WRN: variants seen among roughly 807,000 people sequenced by gnomAD.
WRN encodes the protein WRN RecQ like helicase, also known as bifunctional 3'-5' exonuclease/ATP-dependent helicase WRN.
Under a neutral mutation model 180.7 loss-of-function variants are expected in WRN, and 149 were observed. The ratio of observed to expected loss-of-function variants is 0.82; its 90% CI spans 0.72 to 0.94. The LOEUF (loss-of-function observed/expected upper bound fraction) is 0.94, where lower values mean the gene tolerates loss of function less well. Among genes scored for constraint, WRN ranks in the 40% least tolerant of loss-of-function variants. WRN has a pLI of 0.00. For missense variants in WRN, 1,661 were observed against 1,700.1 expected, an observed-to-expected ratio of 0.98 and a Z score of 0.40; for synonymous variants, 548 against 568.9, an observed-to-expected ratio of 0.96 and a Z score of 0.52.
Position 31,162,812 on chromosome 8 carries a change from T to C in WRN, c.3983-4210T>C, listed in dbSNP as rs79997902. ...GACTGCAACATCATTATGTGGTGCA[T>C]GACTGTAAATTAGATACTGTTCAGA... is the stretch of plus-strand genomic sequence containing the variant. On this transcript the variant is annotated intron_variant, in intron 33 of 34. Coordinates refer to ENST00000298139, the MANE Select transcript of WRN (RefSeq NM_000553.6). Among the ~76,000 whole-genome samples, 1,270 of 152,290 alleles carry C rather than the reference T, an allele frequency of 8.3e-3. 19 individuals are homozygous for C. Among genetic ancestry groups the C allele is most frequent in the African/African-American group, 0.029 (1,222 of 41,548 alleles).
intron 18 of WRN, among the ~76,000 whole-genome samples, chr8:31,108,495 C>CT (rs5031055): frequency 0.033 from 4,965 of 151,662 alleles, 280 homozygotes; most frequent in African/African-American, 0.12. Flanking sequence ...TTTTGGAATT[C>CT]TTATTACTTT....
At chr8:31,148,981 T>C (rs1802979920) in intron 30 of WRN, among the ~76,000 whole-genome samples, 1 of 152,208 alleles carries the variant, frequency 6.6e-6, no homozygotes, top group African/African-American at 2.4e-5. Context: ...TGTATTTGTC[T>C]TTTACTTCCT....
At position 31,116,392 on chromosome 8, in the gene WRN, G is replaced by C. The variant is rs746161973; in HGVS notation, c.2312G>C (p.Cys771Ser). 3.1e-6 allele frequency: 5 copies of C among 1,613,898 alleles called. No individual in the cohort carries two copies. Among genetic ancestry groups the C allele is most frequent in the Non-Finnish European group, 4.2e-6 (5 of 1,179,916 alleles). ...WEFEGPTIIY[C>S]PSRKMTQQVT... is the part of the protein sequence containing the mutation. ...TTTGAAGGTCCAACAATCATCTACT[G>C]TCCTTCTAGAAAAATGACACAACAA... The change falls in exon 20 of 35, where the codon TGT (cysteine) becomes TCT (serine). Residue 771 changes from cysteine (C) to serine (S), a missense_variant. This residue lies in a region of WRN where 1,141 missense variants were observed against 1,149.4 expected (regional missense o/e 0.99). Transcript: ENST00000298139.
In WRN at chr8:31,111,814, G is replaced by A. The variant is rs543733655; in HGVS notation, c.2273+15G>A. Reference sequence around the variant, plus strand: ...GTCAAAACAAGGTAAGGATTTAATGGTTGATGAATTTTGGTAATGATTTCC... The same window carrying A: ...GTCAAAACAAGGTAAGGATTTAATGATTGATGAATTTTGGTAATGATTTCC... On this transcript the variant is annotated intron_variant, in intron 19 of 34. Coordinates refer to ENST00000298139, the MANE Select transcript of WRN (RefSeq NM_000553.6). The A allele has an allele frequency of 3.1e-6, 5 of 1,609,440 alleles. No homozygotes were observed. The highest frequency in any genetic ancestry group is 4.2e-6 in the Non-Finnish European group (5 of 1,178,324).
At chr8:31,163,115 C>T (rs997395475) in intron 33 of WRN, among the ~76,000 whole-genome samples, 5 of 152,188 alleles carry the variant, frequency 3.3e-5, no homozygotes, top group African/African-American at 7.2e-5. Context: ...CACACGCGCA[C>T]GCATGCGTGC....
chr8:31,125,986 A>ATATG (rs1801918167), intron 23 of WRN, among the ~76,000 whole-genome samples: 1 of 45,402 alleles, frequency 2.2e-5, no homozygotes, highest in African/African-American at 8.1e-5. Context: ...ATATATATAT[A>ATATG]TATATATATA....
intron 30 of WRN, among the ~76,000 whole-genome samples, chr8:31,149,614 A>T (rs11574368): frequency 0.056 from 8,356 of 150,192 alleles, 264 homozygotes; most frequent in South Asian, 0.086. Context: ...AGCTGGGACT[A>T]CAGGTGCGCG....
chr8:31,083,000 A>T (rs1046223848), intron 9 of WRN, among the ~76,000 whole-genome samples: 10 of 152,006 alleles, frequency 6.6e-5, no homozygotes, highest in African/African-American at 1.9e-4. Context: ...TTATTGCTTA[A>T]ATTTTGCAGG....
At chr8:31,151,089 C>T (rs982486959) in intron 31 of WRN, among the ~76,000 whole-genome samples, 3 of 152,128 alleles carry the variant, frequency 2.0e-5, no homozygotes, top group African/African-American at 7.2e-5. Flanking sequence ...CTAGGAGTCA[C>T]GGAATCAGGA....
rs1563360977 is a variant in WRN, at chr8:31,116,468, G to A, written c.2388G>A (p.Ala796=). 1 of 1,613,936 alleles carries A rather than the reference G, an allele frequency of 6.2e-7. No homozygotes were observed. Residue 796 remains alanine (A), a synonymous_variant, in exon 20 of 35, where the codon GCG becomes GCA. Transcript: ENST00000298139. The part of the protein sequence containing the change: ...KLNLSCGTYH[A]GMSFSTRKDI... ...ATCTATCCTGTGGAACATACCATGC[G>A]GGCATGAGTTTTAGCACAAGGAAAG...
At position 31,064,454 on chromosome 8, in the gene WRN, A is replaced by T. The variant is rs4987239; in HGVS notation, c.355+20A>T. The T allele has an allele frequency of 0.057, 91,952 of 1,612,694 alleles. 2,926 individuals are homozygous for T. The highest frequency in any genetic ancestry group is 0.075 in the South Asian group (6,865 of 91,046). ...TGTCAGGTTGGTATCTCTACATTTCATTTTTATATGGCTGATAATTGTAAT... is the reference window on the plus strand; with the variant it reads ...TGTCAGGTTGGTATCTCTACATTTCTTTTTTATATGGCTGATAATTGTAAT... On this transcript the variant is annotated intron_variant, in intron 4 of 34. Coordinates refer to ENST00000298139, the MANE Select transcript of WRN (RefSeq NM_000553.6).
chr8:31,127,551 T>G (rs1390382832), intron 23 of WRN, among the ~76,000 whole-genome samples: 1 of 141,102 alleles, frequency 7.1e-6, no homozygotes, highest in Non-Finnish European at 1.6e-5. Flanking sequence ...CAAATACTTC[T>G]TCACTAAGAA....
chr8:31,066,511 G>T (rs947368217), intron 5 of WRN, among the ~76,000 whole-genome samples: 3 of 151,694 alleles, frequency 2.0e-5, no homozygotes, highest in African/African-American at 7.3e-5. Context: ...CCAGTTCTTG[G>T]TACTCTTTCA....
In WRN at chr8:31,064,908, G is replaced by A. The variant is rs2130035753; in HGVS notation, c.356-7G>A. ...GAACTTATGGAAATAACAAGAAAAT[G>A]TTACAGTTTTTCCCCAGGGATTAAA... is the stretch of plus-strand genomic sequence containing the variant. On this transcript the variant is annotated splice_region_variant and splice_polypyrimidine_tract_variant and intron_variant, in intron 4 of 34. Coordinates refer to ENST00000298139, the MANE Select transcript of WRN (RefSeq NM_000553.6). 6.2e-7 allele frequency: 1 copy of A among 1,613,186 alleles called. No individual in the cohort carries two copies. Among genetic ancestry groups the A allele is most frequent in the Non-Finnish European group, 8.5e-7 (1 of 1,179,518 alleles).
At chr8:31,049,497 G>A (rs1206466272) in intron 1 of WRN, among the ~76,000 whole-genome samples, 1 of 149,174 alleles carries the variant, frequency 6.7e-6, no homozygotes, top group Non-Finnish European at 1.5e-5. Context: ...GAGCAACAGA[G>A]CTAGACTCTG....
chr8:31,127,484 C>T (rs1023124328), intron 23 of WRN, among the ~76,000 whole-genome samples: 4 of 151,924 alleles, frequency 2.6e-5, no homozygotes, highest in Non-Finnish European at 5.9e-5. Flanking sequence ...TCAATAGCTG[C>T]GTTACTGTAA....
Position 31,081,133 on chromosome 8 carries a change from G to T in WRN, c.1106G>T (p.Arg369Leu), listed in dbSNP as rs1351358663. The T allele has an allele frequency of 1.2e-6, 2 of 1,614,004 alleles. No individual in the cohort carries two copies. The highest frequency in any genetic ancestry group is 1.7e-6 in the Non-Finnish European group (2 of 1,179,982). Residue 369 changes from arginine (R) to leucine (L), a missense_variant, in exon 9 of 35, where the codon CGA becomes CTA. Physicochemically the swap from Arg to Leu is moderately radical, Grantham distance 102. Coordinates refer to ENST00000298139, the MANE Select transcript of WRN (RefSeq NM_000553.6). Reference sequence around the variant, plus strand: ...GATGTACTTGGAAATAAAGTGGAACGAAAAGAAGATGGATTTGAAGATGGA... The same window carrying T: ...GATGTACTTGGAAATAAAGTGGAACTAAAAGAAGATGGATTTGAAGATGGA... ...GEDVLGNKVERKEDGFEDGVE... is the reference protein window; with the variant it reads ...GEDVLGNKVELKEDGFEDGVE...
At chr8:31,157,698 C>T (rs1205517357) in intron 33 of WRN, among the ~76,000 whole-genome samples, 168 bp downstream of exon 33, 1 of 152,114 alleles carries the variant, frequency 6.6e-6, no homozygotes, top group East Asian at 1.9e-4. Flanking sequence ...CCCATTATCA[C>T]TCAGAGGAAA....
At chr8:31,123,247 T>C (rs967791523) in intron 21 of WRN, among the ~76,000 whole-genome samples, 17 of 152,178 alleles carry the variant, frequency 1.1e-4, no homozygotes, top group Admixed American at 5.2e-4. Flanking sequence ...CAAGTAACGC[T>C]TATTTTACTT....
Sources: gnomAD v4.1 joint callset for allele counts (sites outside exome capture counted in the v4.1 genomes callset) on GRCh38, gnomAD v4.1.1 for gene constraint, gnomAD v4.1.1 regional missense constraint, MANE v1.5 for transcripts, NCBI Gene and HGNC (gene_info 2026-07-23, HGNC 2026-07-21) for gene names.